Variants in TMCO6 observed in about 807,000 individuals in gnomAD.
TMCO6 encodes the protein transmembrane and coiled-coil domains 6.
TMCO6 carries 47 observed loss-of-function variants against 61.8 expected under a neutral mutation model. The observed-to-expected ratio is 0.76, with a 90% CI of 0.60 to 0.97. The LOEUF is 0.97. TMCO6 is among the 50% of genes least tolerant of loss of function. TMCO6 has a pLI of 0.00. For missense variants in TMCO6, 557 were observed against 601.6 expected (o/e 0.93, Z 0.78); for synonymous variants, 261 against 254.2 (o/e 1.03, Z -0.25).
Position 140,641,691 on chromosome 5 carries a change from G to A in TMCO6, c.225G>A (p.Gln75=). 1.9e-6 allele frequency: 3 copies of A among 1,614,134 alleles called. No individual in the cohort carries two copies. The highest frequency in any genetic ancestry group is 2.5e-6 in the Non-Finnish European group (3 of 1,180,026). ...TEVQQFLRQA[Q]RGTEEKEREG... is the part of the protein sequence containing the mutation. The stretch of plus-strand genomic sequence containing the variant: ...TGCAGCAGTTCCTGCGGCAAGCCCA[G>A]CGGGGGACAGAGGAAAAGGAGAGAG... Residue 75 remains glutamine (Q), a synonymous_variant, in exon 3 of 12, where the codon CAG becomes CAA. Transcript: ENST00000394671.
chr5:140,596,726 C>T, the TMCO6 span, among the ~76,000 whole-genome samples: 1 of 152,156 alleles, frequency 6.6e-6, no homozygotes, highest in African/African-American at 2.4e-5. Context: ...TGTCATGTTA[C>T]CCCTGGGGTA....
chr5:140,645,299 A>G lies in TMCO6; in HGVS notation c.*201A>G, dbSNP rs1293580359. ...GACCAAAAGGGACTCAGTGTGGTCT[A>G]CTTACTCTGGGGCCCTAGAATCCCT... On this transcript the variant is annotated 3_prime_UTR_variant, in exon 12 of 12. Coordinates refer to ENST00000394671, the MANE Select transcript of TMCO6 (RefSeq NM_018502.5). 22 of 716,730 alleles carry G rather than the reference A, an allele frequency of 3.1e-5. No homozygotes were observed. Among genetic ancestry groups the G allele is most frequent in the Non-Finnish European group, 5.3e-5 (22 of 413,770 alleles). The allele number at this position is 716,730 out of a possible 1,614,324, so 44.4% of individuals were successfully genotyped here. A position where few individuals can be genotyped will look rare whatever the true frequency, so the allele number is the denominator to read the frequency against.
At position 140,644,609 on chromosome 5, in the gene TMCO6, C is replaced by A; in HGVS notation, c.1237C>A (p.Pro413Thr). 1.2e-6 allele frequency: 2 copies of A among 1,614,222 alleles called. No homozygotes were observed. Among genetic ancestry groups the A allele is most frequent in the Non-Finnish European group, 1.7e-6 (2 of 1,180,044 alleles). ...TVLCNVAEKG[P>T]AYCQRLWPGP... ...TCTGTGCAATGTTGCAGAAAAGGGT[C>A]CTGCTTACTGCCAGCGGCTGTGGCC... Residue 413 changes from proline to threonine, a missense_variant, in exon 11 of 12, where the codon CCT becomes ACT. Coordinates refer to ENST00000394671, the MANE Select transcript of TMCO6 (RefSeq NM_018502.5).
chr5:140,636,554 A>G (rs1020081414), upstream of TMCO6, among the ~76,000 whole-genome samples: 1 of 152,004 alleles, frequency 6.6e-6, no homozygotes. Flanking sequence ...TTAAAAAATT[A>G]AAAAAAGAAG....
chr5:140,634,238 C>T, the TMCO6 span, among the ~76,000 whole-genome samples: 1 of 152,134 alleles, frequency 6.6e-6, no homozygotes. Flanking sequence ...TCCTGCCCTC[C>T]CCTCAGTACA....
At chr5:140,611,878 A>G in the TMCO6 span, among the ~76,000 whole-genome samples, 3 of 152,304 alleles carry the variant, frequency 2.0e-5, no homozygotes, top group South Asian at 2.1e-4. Flanking sequence ...TCAGTGTTCA[A>G]TGTCTTCCAT....
At position 140,643,978 on chromosome 5, in the gene TMCO6, A is replaced by C. The variant is rs1358983970; in HGVS notation, c.1105+12A>C. 4 of 1,613,952 alleles carry C rather than the reference A, an allele frequency of 2.5e-6. No individual in the cohort carries two copies. On this transcript the variant is annotated intron_variant, in intron 9 of 11. Transcript: ENST00000394671. ...CAACAACCTCACTGGTACGCACCATAATCTGCCCAGGCCTGGACATTTGGA... is the reference window on the plus strand; with the variant it reads ...CAACAACCTCACTGGTACGCACCATCATCTGCCCAGGCCTGGACATTTGGA...
chr5:140,642,469 A>T lies in TMCO6; in HGVS notation c.603+50A>T, dbSNP rs561672362. The stretch of plus-strand genomic sequence containing the variant: ...CAACCCTTCCTTTGCTCCTCCCCAC[A>T]TGCTCCATCTACTTTGGTTAGGTAG... On this transcript the variant is annotated intron_variant, in intron 5 of 11. Transcript: ENST00000394671. The T allele has an allele frequency of 1.9e-6, 3 of 1,603,542 alleles. No homozygotes were observed. In the South Asian group the frequency reaches 3.3e-5, roughly 18 times the overall value.
At chr5:140,605,845 T>C in the TMCO6 span, among the ~76,000 whole-genome samples, 1 of 152,154 alleles carries the variant, frequency 6.6e-6, no homozygotes, top group Non-Finnish European at 1.5e-5. Context: ...AGCTATCTGG[T>C]CTTGAACTTT....
At chr5:140,641,539 C>T (rs1404084554) in intron 2 of TMCO6, 126 bp from the exon 3 acceptor site, 24 of 730,086 alleles carry the variant, frequency 3.3e-5, no homozygotes, top group Non-Finnish European at 5.4e-5. Context: ...TTATTAGTTG[C>T]ATTAGTGTGA....
At position 140,643,952 on chromosome 5, in the gene TMCO6, TCAA is replaced by T; in HGVS notation, c.1096_1098del (p.Asn366del). 1.2e-6 allele frequency: 2 copies of T among 1,614,188 alleles called. No individual in the cohort carries two copies. The highest frequency in any genetic ancestry group is 1.1e-5 in the South Asian group (1 of 91,084). ...CTGCTCCCTGAGGGCCTTTGGCTCC[TCAA>T]CAACCTCACTGGTACGCACCATAAT... On this transcript the variant is annotated inframe_deletion, in exon 9 of 12. Coordinates refer to ENST00000394671, the MANE Select transcript of TMCO6 (RefSeq NM_018502.5).
At chr5:140,627,730 C>CTT in the TMCO6 span, among the ~76,000 whole-genome samples, 1 of 143,488 alleles carries the variant, frequency 7.0e-6, no homozygotes, top group African/African-American at 2.6e-5. Flanking sequence ...TTTTTCTTTT[C>CTT]TTTTTTTTTT....
At chr5:140,597,216 T>TGA in the TMCO6 span, among the ~76,000 whole-genome samples, 1 of 152,202 alleles carries the variant, frequency 6.6e-6, no homozygotes. Context: ...GAGAAGTCAG[T>TGA]GTGGGGTAGG....
the TMCO6 span, among the ~76,000 whole-genome samples, chr5:140,612,209 C>T: frequency 6.6e-6 from 1 of 152,300 alleles, no homozygotes; most frequent in African/African-American, 2.4e-5. Flanking sequence ...AACCATCCGA[C>T]CACAAAGTGC....
the TMCO6 span, among the ~76,000 whole-genome samples, chr5:140,630,953 A>T: frequency 3.3e-5 from 5 of 152,248 alleles, no homozygotes; most frequent in African/African-American, 1.2e-4. Flanking sequence ...GGCTCAGAAG[A>T]AACAGCACCT....
chr5:140,608,142 C>A, the TMCO6 span, among the ~76,000 whole-genome samples: 65 of 152,204 alleles, frequency 4.3e-4, no homozygotes, highest in African/African-American at 1.5e-3. Context: ...TTTTGAGCAT[C>A]TTTTCTTATG....
At chr5:140,644,466 G>A in intron 10 of TMCO6, 107 bp from the exon 11 acceptor site, 2 of 1,333,936 alleles carry the variant, frequency 1.5e-6, no homozygotes, top group Non-Finnish European at 2.1e-6. Flanking sequence ...GTATGTAGAA[G>A]AGCTTGGCAT....
chr5:140,634,917 G>T (rs1756732797), upstream of TMCO6, among the ~76,000 whole-genome samples: 1 of 152,200 alleles, frequency 6.6e-6, no homozygotes, highest in African/African-American at 2.4e-5. Flanking sequence ...CGAGCGGCTG[G>T]GATTACAGGC....
At chr5:140,616,637 C>T in the TMCO6 span, among the ~76,000 whole-genome samples, 87 of 152,248 alleles carry the variant, frequency 5.7e-4, 1 homozygote, top group Middle Eastern at 6.8e-3. Flanking sequence ...AGAGTAAAAA[C>T]GCAATGTATG....
Sources: gnomAD v4.1 joint callset for allele counts (sites outside exome capture counted in the v4.1 genomes callset) on GRCh38, gnomAD v4.1.1 for gene constraint, MANE v1.5 for transcripts, NCBI Gene and HGNC (gene_info 2026-07-23, HGNC 2026-07-21) for gene names.